The following SLC28A1 variants were observed in gnomAD, a reference collection of about 807,000 sequenced individuals.
SLC28A1 encodes solute carrier family 28 member 1.
Under a neutral mutation model 74.8 loss-of-function variants are expected in SLC28A1, and 64 were observed. The ratio of observed to expected loss-of-function variants is 0.86; its 90% confidence interval spans 0.70 to 1.05. SLC28A1 has a LOEUF of 1.05. Ranked by LOEUF, SLC28A1 falls within the 50% of genes least tolerant of loss-of-function variation. The pLI, the probability that SLC28A1 is intolerant of heterozygous loss-of-function variation, is 0.00. For missense variants in SLC28A1, 828 were observed against 822.8 expected (o/e 1.01, Z -0.08); for synonymous variants, 359 against 335.0 (o/e 1.07, Z -0.78).
intron 8 of SLC28A1, among the ~76,000 whole-genome samples, chr15:84,906,585 C>G (rs201059106): frequency 0.023 from 1,512 of 65,844 alleles, 71 homozygotes; most frequent in Admixed American, 0.12. Context: ...TTCCTTCCTT[C>G]CTTCCTTCCT....
the SLC28A1 span, among the ~76,000 whole-genome samples, chr15:84,973,016 C>G: frequency 2.0e-5 from 3 of 152,168 alleles, no homozygotes; most frequent in Non-Finnish European, 2.9e-5. Flanking sequence ...TCGTATTACT[C>G]CAAGGCTAAG....
chr15:84,952,434 T>G, the SLC28A1 span, among the ~76,000 whole-genome samples: 1 of 152,126 alleles, frequency 6.6e-6, no homozygotes, highest in Non-Finnish European at 1.5e-5. Context: ...GTCAGTAAAT[T>G]CCTTGCATCC....
At chr15:84,901,565 C>G (rs905451428) in intron 6 of SLC28A1, among the ~76,000 whole-genome samples, 1 of 151,770 alleles carries the variant, frequency 6.6e-6, no homozygotes, top group Admixed American at 6.6e-5. Flanking sequence ...AAGATATGAA[C>G]AGACATTTAA....
Position 84,912,847 on chromosome 15 carries a change from C to G in SLC28A1, c.795+4052C>G, listed in dbSNP as rs11073802. ...ACACACACACACACACACACACACA[C>G]AGATCAAATAAGGACCAAAAGGTAT... On this transcript the variant is annotated intron_variant, in intron 9 of 18. Coordinates refer to ENST00000394573, the MANE Select transcript of SLC28A1 (RefSeq NM_004213.5). Among the ~76,000 whole-genome samples the G allele has an allele frequency of 5.3e-5, 7 of 131,086 alleles. No homozygotes were observed. In the South Asian group the frequency reaches 1.4e-3, roughly 27 times the overall value. 86.0% of individuals were successfully genotyped at this position (131,086 alleles called of 152,430 possible).
intron 9 of SLC28A1, among the ~76,000 whole-genome samples, chr15:84,909,660 A>G (rs545553285): frequency 6.6e-6 from 1 of 152,072 alleles, no homozygotes; most frequent in African/African-American, 2.4e-5. Context: ...TTACACTCCA[A>G]CTGTCTAAGA....
the SLC28A1 span, among the ~76,000 whole-genome samples, chr15:84,957,825 T>G: frequency 6.6e-6 from 1 of 152,254 alleles, no homozygotes; most frequent in Non-Finnish European, 1.5e-5. Flanking sequence ...ATATGAATTT[T>G]AAAATCACCT....
intron 6 of SLC28A1, among the ~76,000 whole-genome samples, chr15:84,896,289 T>A (rs971751078): frequency 1.3e-5 from 2 of 152,238 alleles, no homozygotes; most frequent in Admixed American, 6.5e-5. Flanking sequence ...GACAACCCAT[T>A]TGATGAATGA....
At chr15:84,899,258 A>G (rs1966340772) in intron 6 of SLC28A1, among the ~76,000 whole-genome samples, 1 of 152,228 alleles carries the variant, frequency 6.6e-6, no homozygotes, top group Non-Finnish European at 1.5e-5. Context: ...AACCTGAAAA[A>G]ATTCAAACAG....
chr15:84,965,809 TGTAA>T, the SLC28A1 span, among the ~76,000 whole-genome samples: 1 of 150,296 alleles, frequency 6.7e-6, no homozygotes, highest in African/African-American at 2.5e-5. Context: ...CTGGCTAGAA[TGTAA>T]GTGTGATAGA....
chr15:84,898,429 A>T (rs1966251893), intron 6 of SLC28A1, among the ~76,000 whole-genome samples: 1 of 152,100 alleles, frequency 6.6e-6, no homozygotes, highest in South Asian at 2.1e-4. Context: ...ATACAAAAAA[A>T]TTAGCCAGGC....
chr15:84,970,036 A>C, the SLC28A1 span, among the ~76,000 whole-genome samples: 108,211 of 152,104 alleles, frequency 0.71, 38,751 homozygotes, highest in South Asian at 0.85. Flanking sequence ...TATTACACCA[A>C]GTAGCAAAGA....
chr15:84,898,076 A>C (rs1265563286), intron 6 of SLC28A1, among the ~76,000 whole-genome samples: 1 of 151,876 alleles, frequency 6.6e-6, no homozygotes, highest in Non-Finnish European at 1.5e-5. Context: ...GGCTATTGGG[A>C]ATCATGCTGC....
Position 84,929,266 on chromosome 15 carries a change from C to T in SLC28A1, c.1084-3879C>T, listed in dbSNP as rs1026947078. Reference sequence around the variant, plus strand: ...TTCCTTTTTAAAATGTGGCTATGGCCGGGCGCGGTGGCTCACACCTGTAAT... The same window carrying T: ...TTCCTTTTTAAAATGTGGCTATGGCTGGGCGCGGTGGCTCACACCTGTAAT... On this transcript the variant is annotated intron_variant, in intron 12 of 18. Coordinates refer to ENST00000394573, the MANE Select transcript of SLC28A1 (RefSeq NM_004213.5). Among the ~76,000 whole-genome samples, 9 of 152,060 alleles carry T rather than the reference C, an allele frequency of 5.9e-5. No individual in the cohort carries two copies. In the East Asian group the frequency reaches 7.7e-4, roughly 13 times the overall value.
At chr15:84,913,600 T>A (rs1358089594) in intron 9 of SLC28A1, among the ~76,000 whole-genome samples, 1 of 152,242 alleles carries the variant, frequency 6.6e-6, no homozygotes, top group Admixed American at 6.5e-5. Flanking sequence ...CAAAGGATGC[T>A]GCTGGTCCAC....
chr15:84,957,899 A>G, the SLC28A1 span, among the ~76,000 whole-genome samples: 1 of 152,216 alleles, frequency 6.6e-6, no homozygotes, highest in African/African-American at 2.4e-5. Flanking sequence ...ATGTAGATCA[A>G]TTTGAGGGGT....
intron 15 of SLC28A1, among the ~76,000 whole-genome samples, chr15:84,937,458 AC>A (rs1229669576): frequency 6.6e-6 from 1 of 152,190 alleles, no homozygotes; most frequent in Non-Finnish European, 1.5e-5. Flanking sequence ...CTTTTTAAAA[AC>A]AAGGTTCACT....
chr15:84,965,322 C>G, the SLC28A1 span, among the ~76,000 whole-genome samples: 1 of 152,172 alleles, frequency 6.6e-6, no homozygotes, highest in Non-Finnish European at 1.5e-5. Context: ...AACTGTGAGT[C>G]AATTAAACCT....
intron 6 of SLC28A1, among the ~76,000 whole-genome samples, chr15:84,901,495 C>T (rs531277585): frequency 5.9e-4 from 88 of 150,332 alleles, no homozygotes; most frequent in South Asian, 2.1e-4. Flanking sequence ...TGTGACAGAG[C>T]GATACTCCAT....
chr15:84,899,670 G>A (rs1966387126), intron 6 of SLC28A1, among the ~76,000 whole-genome samples: 1 of 152,076 alleles, frequency 6.6e-6, no homozygotes, highest in Non-Finnish European at 1.5e-5. Flanking sequence ...AAAAGAAGAG[G>A]AAATAAGAAC....
Sources: allele counts gnomAD v4.1 joint callset (sites outside exome capture counted in the v4.1 genomes callset), GRCh38; gene constraint gnomAD v4.1.1; transcripts MANE v1.5; gene names NCBI Gene and HGNC (gene_info 2026-07-23, HGNC 2026-07-21).